MARCHF1: variants seen among roughly 807,000 people sequenced by gnomAD.
The protein encoded by MARCHF1 is E3 ubiquitin-protein ligase MARCHF1.
In MARCHF1, 40 loss-of-function variants were observed where a neutral mutation model predicts 54.2. The observed-to-expected ratio is 0.74, with a 90% CI of 0.57 to 0.96. The LOEUF (loss-of-function observed/expected upper bound fraction) is 0.96, where lower values mean the gene tolerates loss of function less well. Ranked by LOEUF, MARCHF1 falls within the 40% of genes least tolerant of loss-of-function variation. The probability of loss-of-function intolerance (pLI) is 0.00; values close to 1 mark genes in which losing one functional copy is unlikely to be tolerated. For missense variants in MARCHF1, 586 were observed against 656.5 expected (o/e 0.89, Z 1.17); for synonymous variants, 236 against 236.3 (o/e 1.00, Z 0.01).
intron 1 of MARCHF1, among the ~76,000 whole-genome samples, chr4:164,176,960 CTCTCTCTCTCT>C (rs1374169574): frequency 1.7e-4 from 8 of 47,858 alleles, no homozygotes; most frequent in South Asian, 1.0e-3. Context: ...CTCTCTCTCT[CTCTCTCTCTCT>C]CTCTCTCTCT....
In MARCHF1 at chr4:164,200,529, T is replaced by C. The variant is rs184029748; in HGVS notation, c.-322-88867A>G. 2.6e-5 allele frequency among the ~76,000 whole-genome samples: 4 copies of C among 152,318 alleles called. No homozygotes were observed. In the East Asian group the frequency reaches 7.7e-4, roughly 29 times the overall value. On this transcript the variant is annotated intron_variant, in intron 1 of 9. Transcript: ENST00000514618. ...GTCCTATAAAATATGTCTTTGTCCT[T>C]TACCATGGCCTTCTGTCTAACACAC...
At chr4:163,689,879 C>T (rs1415202606) in intron 5 of MARCHF1, among the ~76,000 whole-genome samples, 2 of 152,178 alleles carry the variant, frequency 1.3e-5, no homozygotes, top group Admixed American at 6.5e-5. Flanking sequence ...AATGCCCTAT[C>T]AAAGAGTTTA....
At chr4:164,340,061 A>G (rs1229010361) in intron 1 of MARCHF1, among the ~76,000 whole-genome samples, 8 of 152,086 alleles carry the variant, frequency 5.3e-5, no homozygotes, top group Non-Finnish European at 8.8e-5. Context: ...GAATAAGCAA[A>G]CCAATAATGA....
At chr4:164,202,107 T>C (rs1271352432) in intron 1 of MARCHF1, among the ~76,000 whole-genome samples, 2 of 152,202 alleles carry the variant, frequency 1.3e-5, no homozygotes, top group Non-Finnish European at 2.9e-5. Flanking sequence ...CATTATGCTA[T>C]GTGTTTATGA....
chr4:164,332,757 C>A (rs1259642478), intron 1 of MARCHF1, among the ~76,000 whole-genome samples: 1 of 152,026 alleles, frequency 6.6e-6, no homozygotes, highest in African/African-American at 2.4e-5. Flanking sequence ...AATGCCAAAT[C>A]AGCAACATAA....
chr4:164,073,325 A>G (rs1460885306), intron 2 of MARCHF1, among the ~76,000 whole-genome samples: 1 of 152,204 alleles, frequency 6.6e-6, no homozygotes, highest in East Asian at 1.9e-4. Context: ...CATAAAAAAG[A>G]ATGATTTCAT....
intron 1 of MARCHF1, among the ~76,000 whole-genome samples, chr4:164,245,747 C>T (rs1299520165): frequency 6.8e-6 from 1 of 147,092 alleles, no homozygotes; most frequent in African/African-American, 2.5e-5. Context: ...GCAACTTCAG[C>T]AAAGTCTCAG....
At chr4:164,179,951 A>G (rs965886545) in intron 1 of MARCHF1, among the ~76,000 whole-genome samples, 2 of 148,876 alleles carry the variant, frequency 1.3e-5, no homozygotes, top group African/African-American at 5.0e-5. Flanking sequence ...ATACTAGGAA[A>G]AAATTAACTC....
chr4:163,567,718 T>C (rs1200149666), intron 8 of MARCHF1, among the ~76,000 whole-genome samples: 2 of 152,338 alleles, frequency 1.3e-5, no homozygotes, highest in East Asian at 1.9e-4. Flanking sequence ...TCACCAGTCA[T>C]GTAGAACTGT....
At chr4:164,309,544 G>C (rs1374173639) in intron 1 of MARCHF1, among the ~76,000 whole-genome samples, 2 of 152,214 alleles carry the variant, frequency 1.3e-5, no homozygotes, top group Non-Finnish European at 2.9e-5. Context: ...ATTAGAAGAA[G>C]TGGCTGTGGT....
intron 8 of MARCHF1, among the ~76,000 whole-genome samples, chr4:163,568,399 C>A (rs749787810): frequency 6.6e-6 from 1 of 152,040 alleles, no homozygotes; most frequent in Non-Finnish European, 1.5e-5. Context: ...TCTACTGTTT[C>A]TCCAAAGTCA....
chr4:164,170,143 T>C (rs1442953226), intron 1 of MARCHF1, among the ~76,000 whole-genome samples: 2 of 152,128 alleles, frequency 1.3e-5, no homozygotes, highest in Non-Finnish European at 2.9e-5. Context: ...CCTATGAATA[T>C]GAGCCAGCTC....
chr4:164,177,431 G>C (rs1316448107), intron 1 of MARCHF1, among the ~76,000 whole-genome samples: 1 of 152,080 alleles, frequency 6.6e-6, no homozygotes, highest in Admixed American at 6.6e-5. Flanking sequence ...TACCATGCAC[G>C]GAGAATTGCA....
chr4:163,864,416 A>C (rs1036383464), intron 3 of MARCHF1, among the ~76,000 whole-genome samples: 2 of 152,008 alleles, frequency 1.3e-5, no homozygotes, highest in African/African-American at 4.8e-5. Flanking sequence ...AAAAGCAAGG[A>C]AAGTCTAAGA....
intron 9 of MARCHF1, among the ~76,000 whole-genome samples, chr4:163,533,697 T>TATATA: frequency 9.5e-6 from 1 of 105,646 alleles, no homozygotes; most frequent in African/African-American, 4.2e-5. Flanking sequence ...ATATATATAT[T>TATATA]TATATATATT....
chr4:164,044,366 A>G (rs1754194820), intron 2 of MARCHF1, among the ~76,000 whole-genome samples: 1 of 152,064 alleles, frequency 6.6e-6, no homozygotes, highest in South Asian at 2.1e-4. Context: ...GGAAGATATC[A>G]TGTCCTCACG....
At chr4:163,674,509 G>GA (rs941299079) in intron 5 of MARCHF1, among the ~76,000 whole-genome samples, 12 of 152,140 alleles carry the variant, frequency 7.9e-5, no homozygotes, top group African/African-American at 2.9e-4. Context: ...AAGTGGAAGT[G>GA]AAAAGGACCG....
At chr4:164,262,900 T>C (rs34783848) in intron 1 of MARCHF1, among the ~76,000 whole-genome samples, 17,768 of 152,198 alleles carry the variant, frequency 0.12, 1,633 homozygotes, top group African/African-American at 0.25. Context: ...AAATATTATG[T>C]CCCTCATCCA....
In MARCHF1 at chr4:164,263,353, T is replaced by C. The variant is rs141573506; in HGVS notation, c.-323+120517A>G. On this transcript the variant is annotated intron_variant, in intron 1 of 9. Coordinates refer to ENST00000514618, the MANE Select transcript of MARCHF1 (RefSeq NM_001394959.1). ...CAATATATATACATATATACACACA[T>C]ATACATATGTATTTAAAGATTTAAA... is the stretch of plus-strand genomic sequence containing the variant. Among the ~76,000 whole-genome samples the C allele has an allele frequency of 9.6e-4, 146 of 152,310 alleles. 2 individuals are homozygous for C. The East Asian group carries it at 0.026, about 28-fold the overall frequency.
Sources: gnomAD v4.1 joint callset for allele counts (sites outside exome capture counted in the v4.1 genomes callset) on GRCh38, gnomAD v4.1.1 for gene constraint, MANE v1.5 for transcripts, NCBI Gene and HGNC (gene_info 2026-07-23, HGNC 2026-07-21) for gene names.